The following ENTHD1 variants were observed in gnomAD, a reference collection of about 807,000 sequenced individuals.
ENTHD1 encodes ENTH domain containing 1.
In ENTHD1, 23 loss-of-function variants were observed where a neutral mutation model predicts 39.1. The observed-to-expected ratio is 0.59, with a 90% CI of 0.42 to 0.83. ENTHD1 has a LOEUF of 0.83. ENTHD1 is among the 40% of genes least tolerant of loss of function. The pLI is 0.00. For synonymous variants in ENTHD1, 230 were observed against 258.2 expected (o/e 0.89, Z 1.05); for missense variants, 624 against 705.4 (o/e 0.88, Z 1.31).
At chr22:39,787,056 T>TGA (rs397836444) in intron 5 of ENTHD1, among the ~76,000 whole-genome samples, 1 of 152,034 alleles carries the variant, frequency 6.6e-6, no homozygotes, top group Non-Finnish European at 1.5e-5. Flanking sequence ...CATGTCTCTG[T>TGA]CATATTTTGG....
intron 5 of ENTHD1, among the ~76,000 whole-genome samples, chr22:39,775,371 G>A (rs970999345): frequency 6.6e-6 from 1 of 152,102 alleles, no homozygotes; most frequent in African/African-American, 2.4e-5. Flanking sequence ...TCATAAGCTG[G>A]ATGATTTGGT....
At chr22:39,849,592 A>G (rs2066018873) in intron 3 of ENTHD1, among the ~76,000 whole-genome samples, 1 of 152,246 alleles carries the variant, frequency 6.6e-6, no homozygotes, top group East Asian at 1.9e-4. Flanking sequence ...ATTAAACATT[A>G]TAACCTACAG....
At chr22:39,770,664 G>A (rs1443225774) in intron 5 of ENTHD1, among the ~76,000 whole-genome samples, 3 of 152,208 alleles carry the variant, frequency 2.0e-5, no homozygotes, top group Non-Finnish European at 4.4e-5. Flanking sequence ...ATTTCACAGT[G>A]TCTAGAAAAT....
chr22:39,751,035 T>C (rs1031581980), intron 6 of ENTHD1: 1 of 153,200 alleles, frequency 6.5e-6, no homozygotes, highest in Non-Finnish European at 1.5e-5. Flanking sequence ...AGTCACCTGG[T>C]GGCAGATCCA....
intron 5 of ENTHD1, among the ~76,000 whole-genome samples, chr22:39,797,206 A>C (rs1176855916): frequency 2.0e-5 from 3 of 152,330 alleles, no homozygotes; most frequent in South Asian, 4.1e-4. Context: ...TTCCATCAGC[A>C]TGAAATATCT....
At chr22:39,860,144 TAAAAG>T (rs767334796) in intron 3 of ENTHD1, among the ~76,000 whole-genome samples, 38 of 152,162 alleles carry the variant, frequency 2.5e-4, no homozygotes, top group Admixed American at 2.6e-4. Flanking sequence ...AGTTCCATGA[TAAAAG>T]AAAACTTATT....
intron 6 of ENTHD1, 47 bp downstream of exon 6, chr22:39,765,176 T>TTGTGTGCG: frequency 7.1e-7 from 1 of 1,402,022 alleles, no homozygotes; most frequent in Non-Finnish European, 9.4e-7. Context: ...AGGTTTTTTG[T>TTGTGTGCG]TGTGTGTGTG....
At chr22:39,766,495 C>T (rs1419866903) in intron 5 of ENTHD1, among the ~76,000 whole-genome samples, 1 of 152,064 alleles carries the variant, frequency 6.6e-6, no homozygotes, top group Non-Finnish European at 1.5e-5. Flanking sequence ...CCATCTGAAC[C>T]GGGATACGAA....
chr22:39,824,068 A>G (rs570847138), intron 4 of ENTHD1, among the ~76,000 whole-genome samples: 3 of 152,218 alleles, frequency 2.0e-5, no homozygotes, highest in Non-Finnish European at 2.9e-5. Context: ...CGGGGTTTAC[A>G]AATATTTTTT....
At chr22:39,831,881 G>A (rs777218291) in intron 4 of ENTHD1, among the ~76,000 whole-genome samples, 2 of 152,054 alleles carry the variant, frequency 1.3e-5, no homozygotes, top group African/African-American at 2.4e-5. Context: ...CTGAGTACAC[G>A]TAGTCTTAAA....
At chr22:39,887,932 T>C in intron 1 of ENTHD1, 29 bp from the exon 2 acceptor site, 4 of 524,246 alleles carry the variant, frequency 7.6e-6, no homozygotes, top group Non-Finnish European at 1.3e-5. Flanking sequence ...AAAATTTACA[T>C]TAAACTTTTT....
intron 5 of ENTHD1, among the ~76,000 whole-genome samples, chr22:39,768,942 C>T (rs189208313): frequency 1.3e-5 from 2 of 151,722 alleles, no homozygotes; most frequent in East Asian, 3.9e-4. Flanking sequence ...TTCCTATTGT[C>T]AATAAACAAA....
chr22:39,768,333 T>C (rs558659036), intron 5 of ENTHD1, among the ~76,000 whole-genome samples: 1 of 152,164 alleles, frequency 6.6e-6, no homozygotes, highest in African/African-American at 2.4e-5. Flanking sequence ...AAACAAACCC[T>C]CAGTCAGGCC....
intron 5 of ENTHD1, among the ~76,000 whole-genome samples, chr22:39,814,796 A>G (rs1306093502): frequency 6.6e-6 from 1 of 152,238 alleles, no homozygotes; most frequent in Non-Finnish European, 1.5e-5. Flanking sequence ...GCAAACTATA[A>G]GAAAATGTTA....
At chr22:39,885,049 C>T (rs868698349) in intron 2 of ENTHD1, among the ~76,000 whole-genome samples, 12 of 152,108 alleles carry the variant, frequency 7.9e-5, no homozygotes, top group South Asian at 2.1e-4. Flanking sequence ...AAGACACCTC[C>T]AACAAAATTA....
chr22:39,810,578 G>A (rs1426309346), intron 5 of ENTHD1, among the ~76,000 whole-genome samples: 2 of 152,152 alleles, frequency 1.3e-5, no homozygotes, highest in Admixed American at 6.5e-5. Flanking sequence ...AGAAATTAAT[G>A]CCACCATCAA....
Position 39,835,931 on chromosome 22 carries a change from T to A in ENTHD1, c.620A>T (p.Gln207Leu). Residue 207 changes from glutamine to leucine, a missense_variant, in exon 4 of 7, where the codon CAA (glutamine) becomes CTA (leucine). By Grantham distance (113) the Gln-to-Leu change is moderately radical (BLOSUM62 -2). Coordinates refer to ENST00000325157, the MANE Select transcript of ENTHD1 (RefSeq NM_152512.4). The stretch of plus-strand genomic sequence containing the variant: ...CAAATGAACATCTTGGCAATGCTCT[T>A]GTTTCAATCCTGCCTTGCACACATT... The part of the protein sequence containing the change: ...KRNVCKAGLK[Q>L]EHCQDVHLPT... 6.2e-7 allele frequency: 1 copy of A among 1,609,064 alleles called. No homozygotes were observed. Among genetic ancestry groups the A allele is most frequent in the South Asian group, 1.1e-5 (1 of 89,996 alleles).
chr22:39,788,683 T>C (rs966713601), intron 5 of ENTHD1, among the ~76,000 whole-genome samples: 2 of 152,188 alleles, frequency 1.3e-5, no homozygotes, highest in African/African-American at 4.8e-5. Context: ...CATTGCATGC[T>C]ACAGAGAAAT....
chr22:39,884,470 G>A (rs945545608), intron 2 of ENTHD1, among the ~76,000 whole-genome samples: 9 of 152,026 alleles, frequency 5.9e-5, no homozygotes, highest in East Asian at 5.8e-4. Flanking sequence ...GTGAGTCACC[G>A]CGCCTGGCCC....
Sources: gnomAD v4.1 joint callset for allele counts (sites outside exome capture counted in the v4.1 genomes callset) on GRCh38, gnomAD v4.1.1 for gene constraint, MANE v1.5 for transcripts, NCBI Gene and HGNC (gene_info 2026-07-23, HGNC 2026-07-21) for gene names.